The following ZC3H7A variants were observed in gnomAD, a reference collection of about 807,000 sequenced individuals.
ZC3H7A encodes the protein zinc finger CCCH domain-containing protein 7A.
A neutral mutation model predicts 125.5 loss-of-function variants in ZC3H7A; 44 were observed. That is an observed-to-expected ratio of 0.35 (90% confidence interval 0.28 to 0.45). The LOEUF (loss-of-function observed/expected upper bound fraction) is 0.45, where lower values mean the gene tolerates loss of function less well. ZC3H7A is among the 20% of genes least tolerant of loss of function. The pLI is 1.00. For missense variants in ZC3H7A, 977 were observed against 1,170.7 expected, an observed-to-expected ratio of 0.83 and a Z score of 2.41; for synonymous variants, 399 against 391.2, an observed-to-expected ratio of 1.02 and a Z score of -0.23.
chr16:11,755,676 C>T (rs190317386), intron 21 of ZC3H7A, among the ~76,000 whole-genome samples: 1 of 152,224 alleles, frequency 6.6e-6, no homozygotes, highest in African/African-American at 2.4e-5. Context: ...ACCCAGGGTG[C>T]CAGGCAAGTA....
chr16:11,780,100 CTTTAG>C (rs2053150503), intron 3 of ZC3H7A, among the ~76,000 whole-genome samples: 1 of 150,180 alleles, frequency 6.7e-6, no homozygotes, highest in African/African-American at 2.5e-5. Context: ...TTCTATCACG[CTTTAG>C]TTTAGTTCTT....
At chr16:11,785,281 G>A (rs1393113333) in intron 1 of ZC3H7A, among the ~76,000 whole-genome samples, 4 of 152,080 alleles carry the variant, frequency 2.6e-5, no homozygotes, top group Non-Finnish European at 5.9e-5. Context: ...CGAGGTTGCA[G>A]TGAGCTACAA....
rs187842261 is a variant in ZC3H7A at position 11,796,477 on chromosome 16, G to A, written c.-35+647C>T. ...GCAAATCCACCCAGTCCCGACTCAG[G>A]CTCGACCTCGGAGGCCCCGGCCGGG... On this transcript the variant is annotated intron_variant, in intron 1 of 22. Coordinates refer to ENST00000355758, the MANE Select transcript of ZC3H7A (RefSeq NM_014153.4). 454 of 152,802 alleles carry A rather than the reference G, an allele frequency of 3.0e-3. 3 individuals carry two copies. Among genetic ancestry groups the A allele is most frequent in the Admixed American group, 3.6e-3 (55 of 15,300 alleles). The allele number at this position is 152,802 out of a possible 1,614,324, so 9.5% of individuals were successfully genotyped here. A position where few individuals can be genotyped will look rare whatever the true frequency, so the allele number is the denominator to read the frequency against.
At chr16:11,777,993 T>C (rs1596396620) in intron 4 of ZC3H7A, among the ~76,000 whole-genome samples, 2 of 139,694 alleles carry the variant, frequency 1.4e-5, no homozygotes, top group East Asian at 4.1e-4. Flanking sequence ...CACTCCAGCC[T>C]GGGCAACAAG....
rs898183275 is a variant in ZC3H7A at position 11,765,848 on chromosome 16, C to T, written c.1523-163G>A. Among the ~76,000 whole-genome samples, 1 of 152,092 alleles carries T rather than the reference C, an allele frequency of 6.6e-6. No homozygotes were observed. Among genetic ancestry groups the T allele is most frequent in the African/African-American group, 2.4e-5 (1 of 41,416 alleles). ...CTCCAGCCTGGGCAACAGAGCAAGT[C>T]CCAGTGTCAAAATAAACAAACAAAC... On this transcript the variant is annotated intron_variant, in intron 13 of 22. Coordinates refer to ENST00000355758, the MANE Select transcript of ZC3H7A (RefSeq NM_014153.4). The surrounding 1 kb of genome is among the most constrained non-coding windows in gnomAD (Gnocchi z 4.8).
At chr16:11,774,795 T>C (rs1342402505) in intron 8 of ZC3H7A, among the ~76,000 whole-genome samples, 185 bp downstream of exon 8, 2 of 152,166 alleles carry the variant, frequency 1.3e-5, no homozygotes, top group African/African-American at 4.8e-5. Context: ...TCCAACACTT[T>C]TCAGTCACTC....
chr16:11,787,176 C>T lies in ZC3H7A; in HGVS notation c.-34-4788G>A, dbSNP rs537140091. On this transcript the variant is annotated intron_variant, in intron 1 of 22. Transcript: ENST00000355758. ...ATTAAGCCAGGTGTGGTGGTACGTG[C>T]CTGTAGTCCTAGCTACTCAGGAGGC... 5.3e-5 allele frequency among the ~76,000 whole-genome samples: 8 copies of T among 152,148 alleles called. No individual in the cohort carries two copies. The South Asian group carries it at 1.5e-3, about 28-fold the overall frequency.
At chr16:11,791,237 G>A (rs1423618819) in intron 1 of ZC3H7A, among the ~76,000 whole-genome samples, 2 of 151,840 alleles carry the variant, frequency 1.3e-5, no homozygotes, top group Non-Finnish European at 2.9e-5. Flanking sequence ...CCCAAGCCAC[G>A]CAGCTCCTGC....
intron 9 of ZC3H7A, among the ~76,000 whole-genome samples, chr16:11,771,434 G>A (rs1472350187): frequency 6.6e-6 from 1 of 151,352 alleles, no homozygotes; most frequent in Non-Finnish European, 1.5e-5. Context: ...ATCAAGATTC[G>A]TTTAAAACAA....
intron 12 of ZC3H7A, 51 bp from the exon 13 acceptor site, chr16:11,767,629 A>AT: frequency 2.0e-6 from 3 of 1,463,974 alleles, no homozygotes; most frequent in Non-Finnish European, 1.8e-6. Context: ...ATATCATTTC[A>AT]TTTTACAGGT....
At chr16:11,791,368 T>C (rs1240730836) in intron 1 of ZC3H7A, among the ~76,000 whole-genome samples, 1 of 152,076 alleles carries the variant, frequency 6.6e-6, no homozygotes, top group Non-Finnish European at 1.5e-5. Context: ...CAAAATACAC[T>C]TCCCAGCTCT....
chr16:11,752,576 C>T (rs2052570569), intron 22 of ZC3H7A, 93 bp downstream of exon 22: 2 of 1,483,520 alleles, frequency 1.3e-6, no homozygotes, highest in East Asian at 4.6e-5. Context: ...AACATTAGAA[C>T]TTTAACACCC....
intron 22 of ZC3H7A, among the ~76,000 whole-genome samples, chr16:11,752,188 A>G (rs528923220): frequency 6.6e-6 from 1 of 152,280 alleles, no homozygotes; most frequent in African/African-American, 2.4e-5. Context: ...TTACAGGCGT[A>G]GCCACCATGC....
rs760200544 is a variant in ZC3H7A at position 11,779,316 on chromosome 16, G to A, written c.156C>T (p.Asp52=). The part of the protein sequence containing the change: ...LVRNLFNEGN[D]VYREHDWNNS... ...TGTTCCAATCATGTTCCCGATAAAC[G>A]TCATTTCCTTCATTAAAAAGATTTC... The change falls in exon 4 of 23, where the codon GAC becomes GAT. Residue 52 remains aspartate, a synonymous_variant. Coordinates refer to ENST00000355758, the MANE Select transcript of ZC3H7A (RefSeq NM_014153.4). The A allele has an allele frequency of 3.7e-6, 6 of 1,613,660 alleles. No individual in the cohort carries two copies. The highest frequency in any genetic ancestry group is 4.2e-6 in the Non-Finnish European group (5 of 1,179,940).
In ZC3H7A at chr16:11,781,413, C is replaced by T. The variant is rs556051863; in HGVS notation, c.108+12G>A. 15 of 1,600,362 alleles carry T rather than the reference C, an allele frequency of 9.4e-6. No homozygotes were observed. Among genetic ancestry groups the T allele is most frequent in the East Asian group, 2.2e-5 (1 of 44,764 alleles). On this transcript the variant is annotated intron_variant, in intron 3 of 22. Coordinates refer to ENST00000355758, the MANE Select transcript of ZC3H7A (RefSeq NM_014153.4). The stretch of plus-strand genomic sequence containing the variant: ...TGCAGAGCTTTCAAGCAGACCTTCC[C>T]GGAGTCATTACCGCATATTGCTCCT...
rs1374241091 is a variant in ZC3H7A, at chr16:11,776,434, CA to C, written c.546+17del. 1 of 1,605,256 alleles carries C rather than the reference CA, an allele frequency of 6.2e-7. No individual in the cohort carries two copies. Among genetic ancestry groups the C allele is most frequent in the Admixed American group, 1.7e-5 (1 of 57,778 alleles). The stretch of plus-strand genomic sequence containing the variant: ...TAAAACAAAATGAAAACACCTTATG[CA>C]GAGAACTCCAGCTTACCTCAGCTCT... On this transcript the variant is annotated intron_variant, in intron 6 of 22. Coordinates refer to ENST00000355758, the MANE Select transcript of ZC3H7A (RefSeq NM_014153.4).
rs1446092418 is a variant in ZC3H7A at position 11,797,183 on chromosome 16, G to GGGCAGCGGT, written c.-103_-95dup. On this transcript the variant is annotated 5_prime_UTR_variant, in exon 1 of 23. Coordinates refer to ENST00000355758, the MANE Select transcript of ZC3H7A (RefSeq NM_014153.4). ...CAGGCGGAGGCGGGCGGCGGCAGGC[G>GGGCAGCGGT]GGCAGCGGTGGCGGCGGCGGCGGCG... 1 of 155,002 alleles carries GGGCAGCGGT rather than the reference G, an allele frequency of 6.5e-6. No individual in the cohort carries two copies. The highest frequency in any genetic ancestry group is 1.4e-5 in the Non-Finnish European group (1 of 71,912). 9.6% of individuals were successfully genotyped at this position (155,002 alleles called of 1,614,324 possible).
intron 4 of ZC3H7A, among the ~76,000 whole-genome samples, chr16:11,778,765 G>A (rs573175372): frequency 1.1e-4 from 17 of 152,134 alleles, no homozygotes; most frequent in African/African-American, 3.9e-4. Context: ...CCAGGCTGGA[G>A]TGCAGTGGCA....
At position 11,765,704 on chromosome 16, in the gene ZC3H7A, G is replaced by C. The variant is rs567402564; in HGVS notation, c.1523-19C>G. The C allele has an allele frequency of 7.5e-6, 12 of 1,601,318 alleles. No homozygotes were observed. In the South Asian group the frequency reaches 1.2e-4, roughly 16 times the overall value. Reference sequence around the variant, plus strand: ...GCAACATCTAGAAAGACAGGGAATGGACAGACATTGAAAACATGGCAATTG... The same window carrying C: ...GCAACATCTAGAAAGACAGGGAATGCACAGACATTGAAAACATGGCAATTG... On this transcript the variant is annotated intron_variant, in intron 13 of 22. Transcript: ENST00000355758. The surrounding 1 kb of genome is among the most constrained non-coding windows in gnomAD (Gnocchi z 4.8).
Sources: gnomAD v4.1 joint callset for allele counts (sites outside exome capture counted in the v4.1 genomes callset) on GRCh38, gnomAD v4.1.1 for gene constraint, Gnocchi (gnomAD v3.1) non-coding constraint, MANE v1.5 for transcripts, NCBI Gene and HGNC (gene_info 2026-07-23, HGNC 2026-07-21) for gene names.